Variants in SNTG2 observed in about 807,000 individuals in gnomAD.
SNTG2 encodes the protein gamma-2-syntrophin.
A neutral mutation model predicts 70.9 loss-of-function variants in SNTG2; 74 were observed. The ratio of observed to expected loss-of-function variants is 1.04; its 90% CI spans 0.86 to 1.27. SNTG2 has a LOEUF of 1.27. SNTG2 is among the 50% of genes most tolerant of loss of function. The probability of loss-of-function intolerance (pLI) is 0.00; values close to 1 mark genes in which losing one functional copy is unlikely to be tolerated. For missense variants in SNTG2, 717 were observed against 690.7 expected (o/e 1.04, Z -0.43); for synonymous variants, 278 against 273.8 (o/e 1.02, Z -0.15).
chr2:1,241,712 C>T (rs1244732829), intron 11 of SNTG2, among the ~76,000 whole-genome samples: 1 of 152,120 alleles, frequency 6.6e-6, no homozygotes, highest in Non-Finnish European at 1.5e-5. Flanking sequence ...GTAGGGAGCA[C>T]AGTTTCCGCT....
chr2:989,390 C>T (rs1252871215), intron 1 of SNTG2, among the ~76,000 whole-genome samples: 1 of 151,742 alleles, frequency 6.6e-6, no homozygotes, highest in African/African-American at 2.4e-5. Context: ...GTTTCCATTC[C>T]TAGTTTGCTG....
intron 9 of SNTG2, among the ~76,000 whole-genome samples, chr2:1,237,067 C>T (rs543867672): frequency 4.0e-4 from 61 of 151,814 alleles, no homozygotes; most frequent in African/African-American, 7.7e-4. Context: ...CGTAGCCTTC[C>T]GAGTAGCTGG....
At chr2:1,359,682 CA>C (rs1661037583) in intron 16 of SNTG2, among the ~76,000 whole-genome samples, 1 of 152,126 alleles carries the variant, frequency 6.6e-6, no homozygotes, top group African/African-American at 2.4e-5. Context: ...TATTATTTAT[CA>C]GCACATATGA....
In SNTG2 at chr2:982,344, A is replaced by ACTCC. The variant is rs1398491649; in HGVS notation, c.72+31276_72+31277insCTCC. Among the ~76,000 whole-genome samples, 5 of 152,262 alleles carry ACTCC rather than the reference A, an allele frequency of 3.3e-5. No homozygotes were observed. In the East Asian group the frequency reaches 9.7e-4, roughly 29 times the overall value. On this transcript the variant is annotated intron_variant, in intron 1 of 16. Transcript: ENST00000308624. ...GTTCCACACTTTTTCTTTGAGAATAATTGGTGTTTCAAAGATGTGCCCTAT... is the reference window on the plus strand; with the variant it reads ...GTTCCACACTTTTTCTTTGAGAATAACTCCTTGGTGTTTCAAAGATGTGCCCTAT...
chr2:1,215,107 T>C (rs182151134), intron 9 of SNTG2, among the ~76,000 whole-genome samples: 2 of 152,238 alleles, frequency 1.3e-5, no homozygotes, highest in Non-Finnish European at 1.5e-5. Context: ...GTGACTGATC[T>C]TTTTAATGTG....
intron 1 of SNTG2, among the ~76,000 whole-genome samples, chr2:1,014,626 A>G (rs56266748): frequency 0.11 from 2,538 of 24,060 alleles, 7 homozygotes; most frequent in Middle Eastern, 0.15. Context: ...ATTTATAAGG[A>G]CAGAGAGAAG....
intron 1 of SNTG2, among the ~76,000 whole-genome samples, chr2:990,585 C>T (rs1661457860): frequency 6.6e-6 from 1 of 152,162 alleles, no homozygotes; most frequent in African/African-American, 2.4e-5. Flanking sequence ...CTCCTAACAC[C>T]ATCACATTGC....
At chr2:1,064,948 A>G (rs1663056603) in intron 1 of SNTG2, among the ~76,000 whole-genome samples, 1 of 152,230 alleles carries the variant, frequency 6.6e-6, no homozygotes, top group Admixed American at 6.5e-5. Context: ...GGGTTTGGGG[A>G]AGATACTCTG....
At chr2:1,222,529 C>CCCGGGCACTGATCT (rs1675359649) in intron 9 of SNTG2, among the ~76,000 whole-genome samples, 2 of 103,422 alleles carry the variant, frequency 1.9e-5, no homozygotes, top group East Asian at 3.0e-4. Context: ...CTGCCTGCTG[C>CCCGGGCACTGATCT]TGGAGGTGCT....
At chr2:1,157,964 A>C (rs1410933896) in intron 6 of SNTG2, among the ~76,000 whole-genome samples, 1 of 152,154 alleles carries the variant, frequency 6.6e-6, no homozygotes, top group Non-Finnish European at 1.5e-5. Context: ...CTAGGCACAA[A>C]AGTTAGCATT....
chr2:1,280,717 A>G (rs1263736760), intron 14 of SNTG2, among the ~76,000 whole-genome samples: 21 of 152,268 alleles, frequency 1.4e-4, no homozygotes, highest in Non-Finnish European at 5.9e-5. Context: ...ACGAATTACA[A>G]TAAATTCACA....
At chr2:1,366,616 G>T (rs1652852520) in intron 16 of SNTG2, among the ~76,000 whole-genome samples, 1 of 152,182 alleles carries the variant, frequency 6.6e-6, no homozygotes, top group Non-Finnish European at 1.5e-5. Flanking sequence ...ACCCTTTCCT[G>T]CTCTCCCGTA....
rs754157079 is a variant in SNTG2 at position 1,112,482 on chromosome 2, T to C, written c.325+14072T>C. 4.6e-5 allele frequency among the ~76,000 whole-genome samples: 7 copies of C among 151,704 alleles called. 1 individual carries two copies. Among genetic ancestry groups the C allele is most frequent in the Non-Finnish European group, 1.0e-4 (7 of 68,032 alleles). ...ACTAAGTGAGGTTTAAACCTCACAG[T>C]CCTTTGTGAAGGATCGTGTGTACTA... On this transcript the variant is annotated intron_variant, in intron 4 of 16. Transcript: ENST00000308624.
chr2:1,164,917 G>T (rs994023585), intron 6 of SNTG2, among the ~76,000 whole-genome samples: 4 of 152,214 alleles, frequency 2.6e-5, no homozygotes, highest in Admixed American at 2.0e-4. Flanking sequence ...GACACACACA[G>T]CTTTGCAGCA....
intron 14 of SNTG2, among the ~76,000 whole-genome samples, chr2:1,268,006 T>A (rs1678839659): frequency 6.6e-6 from 1 of 152,246 alleles, no homozygotes. Flanking sequence ...CTCTCAAACT[T>A]GATGGTCCGA....
intron 16 of SNTG2, among the ~76,000 whole-genome samples, chr2:1,323,404 C>T (rs1681615408): frequency 6.7e-6 from 1 of 149,812 alleles, no homozygotes; most frequent in Admixed American, 6.7e-5. Flanking sequence ...ACATGGCTAA[C>T]AGTCACATGG....
At chr2:1,198,373 G>A (rs1162194299) in intron 8 of SNTG2, among the ~76,000 whole-genome samples, 3 of 151,882 alleles carry the variant, frequency 2.0e-5, no homozygotes, top group Non-Finnish European at 2.9e-5. Context: ...CAGAAAGTCT[G>A]TCTGACACAC....
chr2:1,233,626 C>A lies in SNTG2; in HGVS notation c.720-4262C>A, dbSNP rs143199185. 2.5e-3 allele frequency among the ~76,000 whole-genome samples: 381 copies of A among 152,226 alleles called. 5 individuals are homozygous for A. Among genetic ancestry groups the A allele is most frequent in the African/African-American group, 8.5e-3 (352 of 41,534 alleles). On this transcript the variant is annotated intron_variant, in intron 9 of 16. Transcript: ENST00000308624. ...GGCTGTCCTCCACAGGAGGTGGAGA[C>A]CTGAGCACGTAACTTCAATTCCTTA... is the stretch of plus-strand genomic sequence containing the variant.
intron 1 of SNTG2, among the ~76,000 whole-genome samples, chr2:1,072,413 C>G (rs1663638436): frequency 7.0e-6 from 1 of 143,196 alleles, no homozygotes; most frequent in Non-Finnish European, 1.5e-5. Flanking sequence ...TAAACCTACT[C>G]TGCCTGTGCT....
Sources: allele counts gnomAD v4.1 joint callset (sites outside exome capture counted in the v4.1 genomes callset), GRCh38; gene constraint gnomAD v4.1.1; transcripts MANE v1.5; gene names NCBI Gene and HGNC (gene_info 2026-07-23, HGNC 2026-07-21).